BRINP3: variants seen among roughly 807,000 people sequenced by gnomAD.
BRINP3 encodes BMP/retinoic acid-inducible neural-specific protein 3.
In BRINP3, 19 loss-of-function variants were observed where a neutral mutation model predicts 71.0. The observed-to-expected ratio is 0.27, with a 90% CI of 0.19 to 0.39. The LOEUF (loss-of-function observed/expected upper bound fraction) is 0.39, where lower values mean the gene tolerates loss of function less well. BRINP3 is among the 10% of genes least tolerant of loss of function. BRINP3 has a pLI of 1.00. For synonymous variants in BRINP3, 380 were observed against 337.7 expected, an observed-to-expected ratio of 1.13 and a Z score of -1.37; for missense variants, 959 against 940.8, an observed-to-expected ratio of 1.02 and a Z score of -0.25.
At chr1:190,242,989 C>T (rs902670258) in intron 4 of BRINP3, among the ~76,000 whole-genome samples, 2 of 152,108 alleles carry the variant, frequency 1.3e-5, no homozygotes, top group African/African-American at 4.8e-5. Context: ...TGGTCTACTT[C>T]TTCATAGCCT....
intron 6 of BRINP3, among the ~76,000 whole-genome samples, chr1:190,162,969 C>T (rs888972935): frequency 6.6e-6 from 1 of 152,006 alleles, no homozygotes; most frequent in Non-Finnish European, 1.5e-5. Flanking sequence ...ATGAATAAAC[C>T]TGTCTTTTTA....
At chr1:190,160,488 C>T (rs1445839195) in intron 7 of BRINP3, among the ~76,000 whole-genome samples, 180 bp downstream of exon 7, 1 of 151,898 alleles carries the variant, frequency 6.6e-6, no homozygotes, top group African/African-American at 2.4e-5. Flanking sequence ...TCTCATTGTA[C>T]TATTACTTTG....
Position 190,477,674 on chromosome 1 carries a change from G to C in BRINP3, c.-277C>G, listed in dbSNP as rs1421928946. Reference sequence around the variant, plus strand: ...GAATGTGAAAATGCTTTATATGGGGGGGTGGGGAATGGTGGGGGGTGATTC... The same window carrying C: ...GAATGTGAAAATGCTTTATATGGGGCGGTGGGGAATGGTGGGGGGTGATTC... On this transcript the variant is annotated 5_prime_UTR_variant, in exon 1 of 8. Coordinates refer to ENST00000367462, the MANE Select transcript of BRINP3 (RefSeq NM_199051.3). 2 of 151,508 alleles carry C rather than the reference G, an allele frequency of 1.3e-5. No individual in the cohort carries two copies. The highest frequency in any genetic ancestry group is 2.9e-5 in the Non-Finnish European group (2 of 68,038). The allele number at this position is 151,508 out of a possible 1,614,324, so 9.4% of individuals were successfully genotyped here. A position where few individuals can be genotyped will look rare whatever the true frequency, so the allele number is the denominator to read the frequency against.
At chr1:190,384,670 C>G (rs1451387603) in intron 2 of BRINP3, among the ~76,000 whole-genome samples, 2 of 151,930 alleles carry the variant, frequency 1.3e-5, no homozygotes, top group Non-Finnish European at 2.9e-5. Flanking sequence ...GAAGCTAATA[C>G]TGTTATCACA....
chr1:190,384,601 A>G (rs1670764418), intron 2 of BRINP3, among the ~76,000 whole-genome samples: 1 of 151,978 alleles, frequency 6.6e-6, no homozygotes, highest in African/African-American at 2.4e-5. Flanking sequence ...TACTGTTGCC[A>G]AGCACTACTC....
At chr1:190,216,742 T>C (rs754758580) in intron 6 of BRINP3, among the ~76,000 whole-genome samples, 2 of 151,916 alleles carry the variant, frequency 1.3e-5, no homozygotes, top group Non-Finnish European at 2.9e-5. Context: ...ACAGGTTATC[T>C]TGACCTAATG....
chr1:190,366,564 C>T (rs1363203544), intron 2 of BRINP3, among the ~76,000 whole-genome samples: 3 of 152,126 alleles, frequency 2.0e-5, no homozygotes, highest in Non-Finnish European at 4.4e-5. Context: ...CATCTTTCAA[C>T]AGCCCCCCAA....
chr1:190,358,040 C>T (rs1668857514), intron 2 of BRINP3, among the ~76,000 whole-genome samples: 1 of 152,090 alleles, frequency 6.6e-6, no homozygotes, highest in African/African-American at 2.4e-5. Context: ...ACTGTTAGAC[C>T]TAAAACCATA....
intron 7 of BRINP3, among the ~76,000 whole-genome samples, chr1:190,154,551 T>C (rs1439235304): frequency 1.3e-5 from 2 of 152,174 alleles, no homozygotes; most frequent in South Asian, 2.1e-4. Flanking sequence ...GAAGGCTTAC[T>C]ACAAACCAAT....
chr1:190,134,594 G>A (rs990485814), intron 7 of BRINP3, among the ~76,000 whole-genome samples: 4 of 152,076 alleles, frequency 2.6e-5, no homozygotes, highest in African/African-American at 9.7e-5. Flanking sequence ...GATGGAAACA[G>A]TAGCATTTGA....
Position 190,098,195 on chromosome 1 carries a change from G to A in BRINP3, c.2124C>T (p.Asp708=). ...CAGGTGGGGAGAGTTTATTTACACGGTCTCTGATCTCTAGTAGTTGCAAAA... is the reference window on the plus strand; with the variant it reads ...CAGGTGGGGAGAGTTTATTTACACGATCTCTGATCTCTAGTAGTTGCAAAA... The part of the protein sequence containing the change: ...SALLQLLEIR[D]RVNKLSPPGQ... The change falls in exon 8 of 8, where the codon GAC becomes GAT. Residue 708 remains aspartate, a synonymous_variant. Coordinates refer to ENST00000367462, the MANE Select transcript of BRINP3 (RefSeq NM_199051.3). 1 of 1,614,142 alleles carries A rather than the reference G, an allele frequency of 6.2e-7. No homozygotes were observed. Among genetic ancestry groups the A allele is most frequent in the African/African-American group, 1.3e-5 (1 of 75,036 alleles).
At chr1:190,366,973 G>A (rs1669545896) in intron 2 of BRINP3, among the ~76,000 whole-genome samples, 1 of 152,106 alleles carries the variant, frequency 6.6e-6, no homozygotes, top group African/African-American at 2.4e-5. Context: ...GAGTGTATGT[G>A]GCCTTTCTAG....
At position 190,281,541 on chromosome 1, in the gene BRINP3, T is replaced by C. The variant is rs771037268; in HGVS notation, c.427+19A>G. ...AGGCACAAGCACACACAGGCACAAA[T>C]AGGTTCAAAGAGCCGTACCTCCCAG... On this transcript the variant is annotated intron_variant, in intron 3 of 7. Transcript: ENST00000367462. 6.8e-6 allele frequency: 11 copies of C among 1,607,796 alleles called. No individual in the cohort carries two copies. The highest frequency in any genetic ancestry group is 1.7e-5 in the Admixed American group (1 of 59,312).
At chr1:190,440,151 T>G (rs1266630702) in intron 2 of BRINP3, among the ~76,000 whole-genome samples, 1 of 152,004 alleles carries the variant, frequency 6.6e-6, no homozygotes, top group Non-Finnish European at 1.5e-5. Flanking sequence ...TCATATGATT[T>G]GCTAAAAATA....
intron 6 of BRINP3, among the ~76,000 whole-genome samples, chr1:190,170,546 C>T (rs1250392949): frequency 1.3e-5 from 2 of 151,984 alleles, no homozygotes; most frequent in African/African-American, 2.4e-5. Flanking sequence ...TATCTTATGA[C>T]CACGAATGAC....
intron 2 of BRINP3, among the ~76,000 whole-genome samples, chr1:190,397,569 A>G (rs1192806631): frequency 1.3e-5 from 2 of 152,006 alleles, no homozygotes; most frequent in African/African-American, 4.8e-5. Flanking sequence ...TACACTGAGA[A>G]TGCCTTGAAA....
chr1:190,187,338 A>C (rs1287007514), intron 6 of BRINP3, among the ~76,000 whole-genome samples: 1 of 152,002 alleles, frequency 6.6e-6, no homozygotes, highest in East Asian at 1.9e-4. Context: ...TTTTCACTTC[A>C]TTCTATGATT....
At chr1:190,423,195 A>G (rs1673491478) in intron 2 of BRINP3, among the ~76,000 whole-genome samples, 1 of 151,772 alleles carries the variant, frequency 6.6e-6, no homozygotes, top group African/African-American at 2.4e-5. Context: ...GCATTAAAGC[A>G]CCAAATAGTC....
At chr1:190,443,812 G>A (rs1558291625) in intron 2 of BRINP3, among the ~76,000 whole-genome samples, 2 of 152,120 alleles carry the variant, frequency 1.3e-5, no homozygotes, top group Admixed American at 1.3e-4. Context: ...ACCTACCCTG[G>A]CCAATCAAGG....
Sources: allele counts gnomAD v4.1 joint callset (sites outside exome capture counted in the v4.1 genomes callset), GRCh38; gene constraint gnomAD v4.1.1; transcripts MANE v1.5; gene names NCBI Gene and HGNC (gene_info 2026-07-23, HGNC 2026-07-21).